The following PRKAR1A variants were observed in gnomAD, a reference collection of about 807,000 sequenced individuals.
PRKAR1A encodes the protein cAMP-dependent protein kinase type I-alpha regulatory subunit.
Under a neutral mutation model 52.0 loss-of-function variants are expected in PRKAR1A, and 3 were observed. That is an observed-to-expected ratio of 0.06 (90% CI 0.03 to 0.15). The LOEUF (loss-of-function observed/expected upper bound fraction) is 0.15. PRKAR1A is among the 10% of genes least tolerant of loss of function. The pLI, the probability that PRKAR1A is intolerant of heterozygous loss-of-function variation, is 1.00. For missense variants in PRKAR1A, 240 were observed against 477.4 expected (o/e 0.50, Z 4.63); for synonymous variants, 188 against 168.4 (o/e 1.12, Z -0.90).
the PRKAR1A span, among the ~76,000 whole-genome samples, chr17:68,442,505 G>A: frequency 6.6e-6 from 1 of 151,956 alleles, no homozygotes; most frequent in Non-Finnish European, 1.5e-5. Flanking sequence ...TGTTTGCAAG[G>A]GAGGGTGCTC....
the PRKAR1A span, among the ~76,000 whole-genome samples, chr17:68,471,626 G>A: frequency 6.6e-6 from 1 of 152,124 alleles, no homozygotes; most frequent in Non-Finnish European, 1.5e-5. Flanking sequence ...CCATGAGAGG[G>A]GATTACTGGG....
At chr17:68,546,541 T>A (rs2086573914) in intron 11 of PRKAR1A, among the ~76,000 whole-genome samples, 1 of 152,022 alleles carries the variant, frequency 6.6e-6, no homozygotes, top group Non-Finnish European at 1.5e-5. Context: ...TCTTAAATTG[T>A]AAGACTTGGC....
the PRKAR1A span, chr17:68,433,698 C>T: frequency 3.5e-6 from 2 of 576,820 alleles, no homozygotes; most frequent in South Asian, 2.1e-5. Context: ...GACCCAGATC[C>T]CTTAAACACT....
At chr17:68,488,734 CAAA>C in the PRKAR1A span, among the ~76,000 whole-genome samples, 5 of 42,808 alleles carry the variant, frequency 1.2e-4, no homozygotes, top group Admixed American at 2.7e-4. Context: ...CATCTCAAAA[CAAA>C]AAAAAAAAAA....
the PRKAR1A span, among the ~76,000 whole-genome samples, chr17:68,445,172 G>A: frequency 1.9e-3 from 294 of 152,072 alleles, 3 homozygotes; most frequent in African/African-American, 6.9e-3. Flanking sequence ...TGCCCGCCTC[G>A]GCCTCCCAAA....
At chr17:68,487,742 G>T in the PRKAR1A span, among the ~76,000 whole-genome samples, 1 of 151,514 alleles carries the variant, frequency 6.6e-6, no homozygotes, top group African/African-American at 2.4e-5. Flanking sequence ...GGAGGTTGCA[G>T]TGAGCTGAGA....
intron 3 of PRKAR1A, among the ~76,000 whole-genome samples, chr17:68,523,181 G>T (rs1466748909): frequency 1.3e-5 from 2 of 152,168 alleles, no homozygotes; most frequent in Non-Finnish European, 2.9e-5. Context: ...AGTAGAAGGA[G>T]GTGGGCGGTA....
At chr17:68,428,847 A>G in the PRKAR1A span, 1 of 1,613,912 alleles carries the variant, frequency 6.2e-7, no homozygotes, top group Non-Finnish European at 8.5e-7. Context: ...TTTGATTAAG[A>G]CACACTCTCC....
chr17:68,509,213 G>T (rs181413097), upstream of PRKAR1A, among the ~76,000 whole-genome samples: 4 of 152,296 alleles, frequency 2.6e-5, no homozygotes, highest in South Asian at 2.1e-4. Context: ...GAGTGGGAAG[G>T]TCTTGCTGTG....
chr17:68,494,466 C>T, the PRKAR1A span, among the ~76,000 whole-genome samples: 10 of 152,196 alleles, frequency 6.6e-5, no homozygotes, highest in Non-Finnish European at 1.2e-4. Flanking sequence ...CGCTTGAACC[C>T]AGGAGTTAGA....
chr17:68,500,071 T>G, the PRKAR1A span, among the ~76,000 whole-genome samples: 98 of 152,188 alleles, frequency 6.4e-4, 5 homozygotes, highest in Non-Finnish European at 2.9e-5. Context: ...ACCTAGGTGA[T>G]CTAAGTAGAA....
the PRKAR1A span, chr17:68,450,711 G>A: frequency 8.8e-6 from 14 of 1,599,096 alleles, no homozygotes; most frequent in East Asian, 3.2e-4. Context: ...GAAACCCTGA[G>A]GGATTTCCCC....
At position 68,543,721 on chromosome 17, in the gene PRKAR1A, T is replaced by C; in HGVS notation, c.974-7363T>C. 1.2e-6 allele frequency: 2 copies of C among 1,613,726 alleles called. No individual in the cohort carries two copies. Among genetic ancestry groups the C allele is most frequent in the Admixed American group, 1.7e-5 (1 of 60,026 alleles). On this transcript the variant is annotated intron_variant, in intron 11 of 11. Coordinates refer to the PRKAR1A transcript ENST00000585981. ...CTGGTGTCTCCTCATCTCGCTGCTG[T>C]CTGGAAGGAAGGAAGGAATCACGCC...
chr17:68,489,290 GGAAAGTATATATATATATA>G, the PRKAR1A span, among the ~76,000 whole-genome samples: 9 of 11,034 alleles, frequency 8.2e-4, no homozygotes, highest in African/African-American at 3.4e-3. Context: ...ATATATATAT[GGAAAGTATATATATATATA>G]TGGAAAGTAT....
chr17:68,483,728 G>A, the PRKAR1A span, among the ~76,000 whole-genome samples: 4 of 152,072 alleles, frequency 2.6e-5, no homozygotes, highest in Admixed American at 2.6e-4. Context: ...GGGTGTGGTG[G>A]CGCATGCCTG....
At chr17:68,471,819 T>C in the PRKAR1A span, among the ~76,000 whole-genome samples, 42 of 152,162 alleles carry the variant, frequency 2.8e-4, no homozygotes, top group South Asian at 6.0e-3. Context: ...CTTTTTTTTT[T>C]AGACAGAGTC....
the PRKAR1A span, among the ~76,000 whole-genome samples, chr17:68,452,291 G>A: frequency 9.2e-5 from 14 of 152,218 alleles, no homozygotes; most frequent in African/African-American, 1.4e-4. Flanking sequence ...GTGGCTGGGT[G>A]AGGTGGCTCA....
chr17:68,530,092 T>C (rs754170823), intron 10 of PRKAR1A, 91 bp downstream of exon 10: 185 of 1,519,400 alleles, frequency 1.2e-4, no homozygotes, highest in Non-Finnish European at 1.5e-4. Flanking sequence ...TGTCTTCTCC[T>C]GAATTTTATT....
At chr17:68,494,181 C>T in the PRKAR1A span, among the ~76,000 whole-genome samples, 39 of 152,314 alleles carry the variant, frequency 2.6e-4, no homozygotes, top group African/African-American at 7.2e-4. Flanking sequence ...ACACTCTTTC[C>T]GTTGACGGAC....
Sources: allele counts gnomAD v4.1 joint callset (sites outside exome capture counted in the v4.1 genomes callset), GRCh38; gene constraint gnomAD v4.1.1; transcripts MANE v1.5; gene names NCBI Gene and HGNC (gene_info 2026-07-23, HGNC 2026-07-21).